DENND5A: variants seen among roughly 807,000 people sequenced by gnomAD.
DENND5A encodes DENN domain containing 5A.
DENND5A carries 64 observed loss-of-function variants against 140.3 expected under a neutral mutation model. The ratio of observed to expected loss-of-function variants is 0.46; its 90% CI spans 0.37 to 0.56. The LOEUF (loss-of-function observed/expected upper bound fraction) is 0.56. DENND5A is among the 20% of genes least tolerant of loss of function. DENND5A has a pLI of 0.00. For missense variants in DENND5A, 1,292 were observed against 1,593.8 expected, an observed-to-expected ratio of 0.81 and a Z score of 3.22; for synonymous variants, 605 against 607.7, an observed-to-expected ratio of 1.00 and a Z score of 0.07.
At position 9,147,017 on chromosome 11, in the gene DENND5A, C is replaced by T; in HGVS notation, c.2857+13G>A. The T allele has an allele frequency of 6.2e-7, 1 of 1,614,084 alleles. No individual in the cohort carries two copies. Among genetic ancestry groups the T allele is most frequent in the South Asian group, 1.1e-5 (1 of 91,066 alleles). The stretch of plus-strand genomic sequence containing the variant: ...GCCTTGAGAAGGCCAGCTGGGAGCA[C>T]AGGGCTACTCACGGATAGTTGTGAA... On this transcript the variant is annotated intron_variant, in intron 16 of 22. Transcript: ENST00000328194.
intron 10 of DENND5A, among the ~76,000 whole-genome samples, chr11:9,166,855 A>C (rs753111425): frequency 1.3e-5 from 2 of 151,946 alleles, no homozygotes; most frequent in Non-Finnish European, 1.5e-5. Flanking sequence ...ATAAATAAAA[A>C]TTTAAAAAAT....
chr11:9,145,609 C>T, intron 17 of DENND5A, 61 bp downstream of exon 17: 1 of 1,591,738 alleles, frequency 6.3e-7, no homozygotes. Context: ...GCAGAAAACT[C>T]CCCAAAGCGG....
intron 1 of DENND5A, among the ~76,000 whole-genome samples, chr11:9,219,607 C>G (rs1266300659): frequency 6.6e-6 from 1 of 152,104 alleles, no homozygotes; most frequent in Non-Finnish European, 1.5e-5. Context: ...GAAACTGGAG[C>G]CATCACGAGA....
chr11:9,233,601 C>A (rs1408912073), intron 1 of DENND5A, among the ~76,000 whole-genome samples: 1 of 151,866 alleles, frequency 6.6e-6, no homozygotes, highest in African/African-American at 2.4e-5. Flanking sequence ...ACCCAAAATA[C>A]CATGATAGGT....
intron 5 of DENND5A, among the ~76,000 whole-genome samples, chr11:9,192,995 CAGG>C (rs1248206607): frequency 6.6e-6 from 1 of 152,162 alleles, no homozygotes; most frequent in Non-Finnish European, 1.5e-5. Context: ...GAAGCCAAGG[CAGG>C]AGGATTACTT....
chr11:9,214,906 T>C (rs567541905), intron 1 of DENND5A, among the ~76,000 whole-genome samples: 2 of 152,100 alleles, frequency 1.3e-5, no homozygotes, highest in Non-Finnish European at 2.9e-5. Context: ...CTATTTTTAG[T>C]AGGGATGGGG....
intron 10 of DENND5A, 124 bp from the exon 11 acceptor site, chr11:9,166,091 T>TC: frequency 1.1e-6 from 1 of 908,900 alleles, no homozygotes; most frequent in Non-Finnish European, 1.6e-6. Context: ...CTTTTTCTTT[T>TC]TTTTTTTGAG....
Position 9,143,297 on chromosome 11 carries a change from G to A in DENND5A, c.3387+106C>T. ...CACACACTCTACAAGACTCTAGGGT[G>A]TCCACAGCACATGGGCCTGGAAGAG... On this transcript the variant is annotated intron_variant, in intron 20 of 22. Coordinates refer to ENST00000328194, the MANE Select transcript of DENND5A (RefSeq NM_015213.4). 3 of 991,458 alleles carry A rather than the reference G, an allele frequency of 3.0e-6. No individual in the cohort carries two copies. In the South Asian group the frequency reaches 4.0e-5, roughly 13 times the overall value. 61.4% of individuals were successfully genotyped at this position (991,458 alleles called of 1,614,324 possible). A position where few individuals can be genotyped will look rare whatever the true frequency, so the allele number is the denominator to read the frequency against.
At chr11:9,264,638 G>A (rs1383721619) in intron 1 of DENND5A, among the ~76,000 whole-genome samples, 3 of 152,104 alleles carry the variant, frequency 2.0e-5, no homozygotes, top group Non-Finnish European at 2.9e-5. Flanking sequence ...CCTCCCTAAT[G>A]GGTGCCAGAG....
At chr11:9,165,068 C>T (rs147250008) in intron 11 of DENND5A, among the ~76,000 whole-genome samples, 38 of 151,774 alleles carry the variant, frequency 2.5e-4, no homozygotes, top group African/African-American at 9.2e-4. Context: ...GGCGCGATCT[C>T]GGCTCACTGC....
At chr11:9,261,648 C>A (rs528218008) in intron 1 of DENND5A, among the ~76,000 whole-genome samples, 1 of 151,808 alleles carries the variant, frequency 6.6e-6, no homozygotes, top group African/African-American at 2.4e-5. Context: ...TGTGGTGGCA[C>A]GCGCGGCTCA....
intron 5 of DENND5A, among the ~76,000 whole-genome samples, chr11:9,182,208 C>T (rs757472862): frequency 2.0e-5 from 3 of 151,938 alleles, no homozygotes; most frequent in Non-Finnish European, 4.4e-5. Flanking sequence ...CCCAGCTACT[C>T]GGGAGGCTGA....
intron 1 of DENND5A, among the ~76,000 whole-genome samples, chr11:9,232,025 AG>A (rs1850793972): frequency 6.6e-6 from 1 of 152,148 alleles, no homozygotes; most frequent in Non-Finnish European, 1.5e-5. Context: ...AAAACGGCCA[AG>A]AAAAAAAAAT....
At chr11:9,159,312 CT>C (rs1301045310) in intron 12 of DENND5A, among the ~76,000 whole-genome samples, 17 of 146,000 alleles carry the variant, frequency 1.2e-4, no homozygotes, top group African/African-American at 3.1e-4. Context: ...CTGCTATGAA[CT>C]TTTTTTTCTT....
chr11:9,239,189 TTTTA>T (rs559768814), intron 1 of DENND5A, among the ~76,000 whole-genome samples: 25 of 152,040 alleles, frequency 1.6e-4, no homozygotes, highest in South Asian at 1.0e-3. Flanking sequence ...AAACTCAACA[TTTTA>T]TTTATTTATT....
In DENND5A at chr11:9,169,901, C is replaced by T. The variant is rs757241784; in HGVS notation, c.2106G>A (p.Gln702=). The part of the protein sequence containing the change: ...APAQWRRKDR[Q]KQHTEHLRLD... ...AACGCAGGTGTTCTGTGTGCTGCTT[C>T]TGCCGATCTTTCCGCCTCCACTGGG... The change falls in exon 10 of 23, where the codon CAG becomes CAA. Residue 702 remains glutamine (Q), a synonymous_variant. Transcript: ENST00000328194. 3 of 1,613,928 alleles carry T rather than the reference C, an allele frequency of 1.9e-6. No homozygotes were observed. The Admixed American group carries it at 5.0e-5, about 27-fold the overall frequency.
At chr11:9,254,205 A>T (rs1851850920) in intron 1 of DENND5A, among the ~76,000 whole-genome samples, 1 of 149,652 alleles carries the variant, frequency 6.7e-6, no homozygotes, top group Admixed American at 6.7e-5. Flanking sequence ...ACTTGCCTGT[A>T]GTCCCAAGTA....
At chr11:9,187,710 T>C (rs562763337) in intron 5 of DENND5A, among the ~76,000 whole-genome samples, 2 of 152,302 alleles carry the variant, frequency 1.3e-5, no homozygotes, top group South Asian at 2.1e-4. Flanking sequence ...TTCTGTAATA[T>C]AGCTGTGGAT....
chr11:9,169,929 G>A lies in DENND5A; in HGVS notation c.2078C>T (p.Pro693Leu), dbSNP rs1848317534. Reference protein sequence around the residue: ...ASNKWTKRNAPAQWRRKDRQK... With the variant: ...ASNKWTKRNALAQWRRKDRQK... ...CCGATCTTTCCGCCTCCACTGGGCA[G>A]GGGCATTCCTTTTCGTCCACCTAAC... is the stretch of plus-strand genomic sequence containing the variant. The change falls in exon 10 of 23, where the codon CCT (proline) becomes CTT (leucine). Residue 693 changes from proline to leucine, a missense_variant. Physicochemically the swap from Pro to Leu is moderately conservative, Grantham distance 98 (BLOSUM62 -3). Coordinates refer to ENST00000328194, the MANE Select transcript of DENND5A (RefSeq NM_015213.4). 4 of 1,613,412 alleles carry A rather than the reference G, an allele frequency of 2.5e-6. No homozygotes were observed. The African/African-American group carries it at 4.0e-5, about 16-fold the overall frequency.
Sources: gnomAD v4.1 joint callset for allele counts (sites outside exome capture counted in the v4.1 genomes callset) on GRCh38, gnomAD v4.1.1 for gene constraint, MANE v1.5 for transcripts, NCBI Gene and HGNC (gene_info 2026-07-23, HGNC 2026-07-21) for gene names.